The following UTP4 variants were observed in gnomAD, a reference collection of about 807,000 sequenced individuals.
UTP4 encodes U3 small nucleolar RNA-associated protein 4 homolog.
A neutral mutation model predicts 82.4 loss-of-function variants in UTP4; 45 were observed. The observed-to-expected ratio is 0.55, with a 90% CI of 0.43 to 0.70. UTP4 has a LOEUF of 0.70. Ranked by LOEUF, UTP4 falls within the 30% of genes least tolerant of loss-of-function variation. UTP4 has a pLI of 0.00. For synonymous variants in UTP4, 348 were observed against 300.3 expected, an observed-to-expected ratio of 1.16 and a Z score of -1.64; for missense variants, 819 against 858.3, an observed-to-expected ratio of 0.95 and a Z score of 0.57.
At chr16:69,137,732 G>A in intron 3 of UTP4, 69 bp from the exon 4 acceptor site, 1 of 833,022 alleles carries the variant, frequency 1.2e-6, no homozygotes, top group South Asian at 1.3e-5. Flanking sequence ...TGGGGGGTGT[G>A]TGTGTGTGTT....
At chr16:69,153,952 C>T (rs1475427373) in intron 9 of UTP4, among the ~76,000 whole-genome samples, 2 of 151,972 alleles carry the variant, frequency 1.3e-5, no homozygotes, top group African/African-American at 4.8e-5. Context: ...GTAGTTTGCG[C>T]TAGCTTAACT....
intron 6 of UTP4, among the ~76,000 whole-genome samples, chr16:69,147,502 C>T (rs900201904): frequency 2.6e-5 from 4 of 151,988 alleles, no homozygotes; most frequent in African/African-American, 9.7e-5. Context: ...AAGACTCTGT[C>T]TCCAAACAAA....
Position 69,133,438 on chromosome 16 carries a change from ACT to A in UTP4, c.-2-15_-2-14del, listed in dbSNP as rs760665575. On this transcript the variant is annotated intron_variant, in intron 1 of 16. Transcript: ENST00000314423. ...CTGCAGTTAACATATAGCAATAATGACTCTCTTTTCGCCCCCTAGGAATGGGT... is the reference window on the plus strand; with the variant it reads ...CTGCAGTTAACATATAGCAATAATGACTCTTTTCGCCCCCTAGGAATGGGT... 63 of 1,612,788 alleles carry A rather than the reference ACT, an allele frequency of 3.9e-5. No homozygotes were observed. In the South Asian group the frequency reaches 4.7e-4, roughly 12 times the overall value.
At chr16:69,150,790 C>T (rs750573786) in intron 7 of UTP4, 23 bp from the exon 8 acceptor site, 9 of 1,612,686 alleles carry the variant, frequency 5.6e-6, no homozygotes, top group Non-Finnish European at 7.6e-6. Flanking sequence ...TAATTCTGTA[C>T]ACCTTCTCCC....
chr16:69,159,247 T>A (rs1471579114), intron 12 of UTP4, among the ~76,000 whole-genome samples: 1 of 152,026 alleles, frequency 6.6e-6, no homozygotes, highest in African/African-American at 2.4e-5. Flanking sequence ...CAGCTATTTT[T>A]TTTTTGTACT....
At chr16:69,137,265 GA>G (rs1474596117) in intron 3 of UTP4, among the ~76,000 whole-genome samples, 4 of 152,176 alleles carry the variant, frequency 2.6e-5, no homozygotes, top group Non-Finnish European at 5.9e-5. Flanking sequence ...AGAGTTCTGA[GA>G]GTCCCTTCAG....
At chr16:69,157,013 A>G in intron 11 of UTP4, 71 bp from the exon 12 acceptor site, 3 of 1,517,390 alleles carry the variant, frequency 2.0e-6, no homozygotes, top group African/African-American at 1.4e-5. Context: ...CCTTAAGCCT[A>G]GCTGTGATTG....
intron 5 of UTP4, 86 bp downstream of exon 5, chr16:69,140,000 G>C: frequency 1.1e-6 from 1 of 951,992 alleles, no homozygotes; most frequent in East Asian, 2.4e-5. Flanking sequence ...CTTTGTCATG[G>C]TTTCATGACC....
Position 69,150,695 on chromosome 16 carries a change from G to T in UTP4, c.897G>T (p.Ala299=). 1.2e-6 allele frequency: 2 copies of T among 1,614,192 alleles called. No individual in the cohort carries two copies. The highest frequency in any genetic ancestry group is 1.7e-6 in the Non-Finnish European group (2 of 1,180,040). The change falls in exon 7 of 17, where the codon GCG becomes GCT. Residue 299 remains alanine (A), a synonymous_variant. Coordinates refer to ENST00000314423, the MANE Select transcript of UTP4 (RefSeq NM_032830.3). ...DVRTVAHSPT[A]LISGGTDTHL... ...GCACTGTGGCCCACAGCCCAACAGC[G>T]CTGATATCTGGAGGTGGGTTCCCCC...
At chr16:69,136,350 C>T (rs1195183103) in intron 2 of UTP4, among the ~76,000 whole-genome samples, 1 of 152,196 alleles carries the variant, frequency 6.6e-6, no homozygotes, top group Non-Finnish European at 1.5e-5. Context: ...CCGTCAGCCT[C>T]CGTAGTAGCT....
intron 5 of UTP4, among the ~76,000 whole-genome samples, chr16:69,142,584 C>T (rs761993137): frequency 3.2e-4 from 49 of 152,124 alleles, no homozygotes; most frequent in Non-Finnish European, 6.3e-4. Flanking sequence ...ATTCCTGAGT[C>T]CAAGGATTCC....
intron 14 of UTP4, 42 bp downstream of exon 14, chr16:69,163,220 T>G (rs185334373): frequency 6.7e-7 from 1 of 1,488,522 alleles, no homozygotes; most frequent in Middle Eastern, 1.7e-4. Flanking sequence ...TCCTGCTGGA[T>G]AGTAACCTAG....
chr16:69,165,259 T>A, intron 14 of UTP4, 82 bp from the exon 15 acceptor site: 1 of 1,190,030 alleles, frequency 8.4e-7, no homozygotes, highest in East Asian at 2.3e-5. Flanking sequence ...TTTGTATAGA[T>A]ACTTTCTGGT....
intron 5 of UTP4, chr16:69,142,154 C>T (rs1567602217): frequency 6.6e-6 from 1 of 152,176 alleles, no homozygotes; most frequent in Non-Finnish European, 1.5e-5. Context: ...CTCATCACTG[C>T]ATCATGTGGC....
chr16:69,161,915 G>C (rs1963571766), intron 13 of UTP4, among the ~76,000 whole-genome samples: 1 of 151,592 alleles, frequency 6.6e-6, no homozygotes, highest in African/African-American at 2.4e-5. Flanking sequence ...TCCCGCCCTG[G>C]CCCTTCCGAA....
intron 2 of UTP4, 67 bp downstream of exon 2, chr16:69,133,685 A>G (rs757592237): frequency 1.3e-4 from 200 of 1,525,238 alleles, no homozygotes; most frequent in Non-Finnish European, 1.7e-4. Flanking sequence ...AGAAGCTTGT[A>G]TGTCTTTTAT....
chr16:69,167,233 A>T (rs1963724791), intron 16 of UTP4, 48 bp downstream of exon 16: 1 of 1,205,476 alleles, frequency 8.3e-7, no homozygotes. Context: ...CCTTTGTGAT[A>T]CCAAAATGTA....
At chr16:69,144,345 C>A in intron 6 of UTP4, among the ~76,000 whole-genome samples, 1 of 151,996 alleles carries the variant, frequency 6.6e-6, no homozygotes. Context: ...ATTACAGGCG[C>A]CCGCCTCTGT....
intron 15 of UTP4, 67 bp downstream of exon 15, chr16:69,165,593 A>G (rs1963682411): frequency 7.5e-6 from 10 of 1,330,750 alleles, no homozygotes; most frequent in Non-Finnish European, 9.7e-6. Context: ...CAACAAGTAC[A>G]ATAAGGTAAG....
Sources: gnomAD v4.1 joint callset for allele counts (sites outside exome capture counted in the v4.1 genomes callset) on GRCh38, gnomAD v4.1.1 for gene constraint, MANE v1.5 for transcripts, NCBI Gene and HGNC (gene_info 2026-07-23, HGNC 2026-07-21) for gene names.